Variants in ZNF143 observed in about 807,000 individuals in gnomAD.
ZNF143 encodes SPH-binding factor.
Under a neutral mutation model 74.1 loss-of-function variants are expected in ZNF143, and 49 were observed. The observed-to-expected ratio is 0.66, with a 90% confidence interval of 0.53 to 0.84. The LOEUF is 0.84. Ranked by LOEUF, ZNF143 falls within the 40% of genes least tolerant of loss-of-function variation. ZNF143 has a pLI of 0.00. For missense variants in ZNF143, 637 were observed against 793.4 expected (o/e 0.80, Z 2.37); for synonymous variants, 304 against 282.8 (o/e 1.07, Z -0.75).
intron 9 of ZNF143, 45 bp downstream of exon 9, chr11:9,496,423 C>G (rs1589908941): frequency 1.3e-6 from 2 of 1,517,938 alleles, no homozygotes; most frequent in Non-Finnish European, 1.8e-6. Flanking sequence ...AATTAGGGGT[C>G]AAGTAGAGAC....
At chr11:9,508,555 G>T in intron 11 of ZNF143, 64 bp from the exon 12 acceptor site, 1 of 1,482,804 alleles carries the variant, frequency 6.7e-7, no homozygotes, top group Non-Finnish European at 9.2e-7. Flanking sequence ...CCCTGGGGGG[G>T]AAGTATGGAA....
At chr11:9,496,514 C>T (rs919501511) in intron 9 of ZNF143, 136 bp downstream of exon 9, 2 of 711,578 alleles carry the variant, frequency 2.8e-6, no homozygotes, top group Non-Finnish European at 4.9e-6. Context: ...TCTCTCATAA[C>T]TGCCTTTCGT....
chr11:9,463,428 C>G (rs1191484792), intron 1 of ZNF143, among the ~76,000 whole-genome samples: 1 of 152,202 alleles, frequency 6.6e-6, no homozygotes, highest in South Asian at 2.1e-4. Context: ...TTCTCCATAT[C>G]CTTACCAACA....
rs371036447 is a variant in ZNF143 at position 9,525,193 on chromosome 11, C to T, written c.1687-47C>T. On this transcript the variant is annotated intron_variant, in intron 14 of 15. Transcript: ENST00000396602. ...TAAGTGGACTTTAACCTATTTAAAT[C>T]GCAGGTTTAATTCTTTATGTGTATG... is the stretch of plus-strand genomic sequence containing the variant. 3.2e-5 allele frequency: 52 copies of T among 1,606,964 alleles called. No homozygotes were observed. In the African/African-American group the frequency reaches 5.2e-4, roughly 16 times the overall value.
Position 9,474,023 on chromosome 11 carries a change from T to C in ZNF143, c.288T>C (p.Ser96=), listed in dbSNP as rs1565025949. Residue 96 remains serine, a splice_region_variant and synonymous_variant, in exon 4 of 16, where the codon AGT becomes AGC. Transcript: ENST00000396602. ...TTCAACATGTACCCATACCTAAAAGTAGTAAGTATTTAAGATAACAGCACG... is the reference window on the plus strand; with the variant it reads ...TTCAACATGTACCCATACCTAAAAGCAGTAAGTATTTAAGATAACAGCACG... The part of the protein sequence containing the change: ...AYVQHVPIPK[S]TGDSLRLEDG... 1.2e-6 allele frequency: 2 copies of C among 1,608,834 alleles called. No homozygotes were observed. Among genetic ancestry groups the C allele is most frequent in the Non-Finnish European group, 1.7e-6 (2 of 1,175,468 alleles).
At chr11:9,511,594 A>G (rs575384629) in intron 12 of ZNF143, among the ~76,000 whole-genome samples, 3 of 148,748 alleles carry the variant, frequency 2.0e-5, no homozygotes, top group African/African-American at 5.0e-5. Context: ...GAGCCACCAT[A>G]CCCGGCCTTG....
At chr11:9,501,898 G>T (rs1381110728) in intron 11 of ZNF143, among the ~76,000 whole-genome samples, 1 of 151,184 alleles carries the variant, frequency 6.6e-6, no homozygotes, top group Non-Finnish European at 1.5e-5. Flanking sequence ...AAGCTTGTGA[G>T]GGGGCGGGGT....
chr11:9,493,994 G>T (rs959495061), intron 7 of ZNF143, among the ~76,000 whole-genome samples: 2 of 151,996 alleles, frequency 1.3e-5, no homozygotes, highest in African/African-American at 4.8e-5. Flanking sequence ...TGGGACACAG[G>T]TTCTAAAAAA....
chr11:9,499,791 C>T (rs1848092651), intron 10 of ZNF143, among the ~76,000 whole-genome samples: 1 of 152,150 alleles, frequency 6.6e-6, no homozygotes, highest in Admixed American at 6.6e-5. Flanking sequence ...TTTTCCCCTT[C>T]CCCAGAAGTT....
At chr11:9,488,455 T>TTA (rs773923077) in intron 7 of ZNF143, among the ~76,000 whole-genome samples, 2 of 152,188 alleles carry the variant, frequency 1.3e-5, no homozygotes, top group East Asian at 3.8e-4. Context: ...TACTCTCATG[T>TTA]TGTTTCCACT....
intron 9 of ZNF143, 140 bp downstream of exon 9, chr11:9,496,518 C>G (rs1434904144): frequency 7.2e-6 from 5 of 693,108 alleles, no homozygotes; most frequent in Non-Finnish European, 1.0e-5. Context: ...TCATAACTGC[C>G]TTTCGTCCTG....
chr11:9,518,168 A>G (rs1179648522), intron 14 of ZNF143, among the ~76,000 whole-genome samples: 2 of 152,242 alleles, frequency 1.3e-5, no homozygotes, highest in East Asian at 1.9e-4. Flanking sequence ...AAAAGTGCAC[A>G]TCTTTTATCA....
intron 7 of ZNF143, among the ~76,000 whole-genome samples, chr11:9,483,288 CT>C (rs58704619): frequency 0.015 from 759 of 50,142 alleles, 7 homozygotes; most frequent in African/African-American, 0.054. Context: ...GCCAACATGC[CT>C]TTTTTTTTTT....
At chr11:9,475,879 C>T (rs1197635372) in intron 5 of ZNF143, among the ~76,000 whole-genome samples, 2 of 148,154 alleles carry the variant, frequency 1.3e-5, no homozygotes, top group Non-Finnish European at 3.0e-5. Flanking sequence ...GCCTGGGCAA[C>T]AGAGTGAGAC....
At chr11:9,497,537 T>C in intron 9 of ZNF143, 138 bp from the exon 10 acceptor site, 1 of 672,404 alleles carries the variant, frequency 1.5e-6, no homozygotes, top group Non-Finnish European at 2.3e-6. Context: ...GGCCCTTTTG[T>C]ACATTTTAAA....
intron 7 of ZNF143, among the ~76,000 whole-genome samples, chr11:9,493,835 T>G (rs1171006284): frequency 2.0e-5 from 3 of 152,228 alleles, no homozygotes; most frequent in Admixed American, 2.0e-4. Context: ...TGGATTTTTA[T>G]GTTATTACAT....
chr11:9,463,232 T>C (rs1855979754), intron 1 of ZNF143, among the ~76,000 whole-genome samples: 1 of 152,274 alleles, frequency 6.6e-6, no homozygotes, highest in African/African-American at 2.4e-5. Flanking sequence ...CACATAATGC[T>C]ATGAACATTT....
At chr11:9,474,731 A>G (rs188107040) in intron 5 of ZNF143, 98 bp downstream of exon 5, 1 of 1,210,110 alleles carries the variant, frequency 8.3e-7, no homozygotes, top group Non-Finnish European at 1.2e-6. Context: ...GTCATGGGAA[A>G]GAATTGTATT....
intron 14 of ZNF143, among the ~76,000 whole-genome samples, chr11:9,524,507 A>T (rs138356903): frequency 1.3e-4 from 20 of 152,366 alleles, no homozygotes; most frequent in African/African-American, 4.3e-4. Flanking sequence ...TTTTTAGTGG[A>T]TGAATAGCCA....
Sources: gnomAD v4.1 joint callset for allele counts (sites outside exome capture counted in the v4.1 genomes callset) on GRCh38, gnomAD v4.1.1 for gene constraint, MANE v1.5 for transcripts, NCBI Gene and HGNC (gene_info 2026-07-23, HGNC 2026-07-21) for gene names.